ANKRD62: variants seen among roughly 807,000 people sequenced by gnomAD.
ANKRD62 encodes the protein ankyrin repeat domain 62, also known as ankyrin repeat domain-containing protein 62.
Under a neutral mutation model 98.8 loss-of-function variants are expected in ANKRD62, and 61 were observed. The observed-to-expected ratio is 0.62, with a 90% CI of 0.50 to 0.76. ANKRD62 has a LOEUF of 0.76. Among genes scored for constraint, ANKRD62 ranks in the 30% least tolerant of loss-of-function variants. ANKRD62 has a pLI of 0.00. For missense variants in ANKRD62, 933 were observed against 1,082.9 expected, an observed-to-expected ratio of 0.86 and a Z score of 1.94; for synonymous variants, 341 against 367.9, an observed-to-expected ratio of 0.93 and a Z score of 0.84.
chr18:12,110,225 T>C (rs1446444188), intron 8 of ANKRD62, among the ~76,000 whole-genome samples: 1 of 152,216 alleles, frequency 6.6e-6, no homozygotes, highest in Non-Finnish European at 1.5e-5. Flanking sequence ...GTTACAGAAT[T>C]GAGTATTTTA....
chr18:12,159,562 G>A, the ANKRD62 span, among the ~76,000 whole-genome samples: 2 of 152,296 alleles, frequency 1.3e-5, no homozygotes, highest in Non-Finnish European at 2.9e-5. Flanking sequence ...AGAGTCTATA[G>A]GTTACAAAGA....
intron 6 of ANKRD62, among the ~76,000 whole-genome samples, chr18:12,100,937 T>A (rs1909287282): frequency 6.6e-6 from 1 of 152,128 alleles, no homozygotes; most frequent in Admixed American, 6.6e-5. Flanking sequence ...ACAGCAACCA[T>A]TACCAGAACA....
intron 10 of ANKRD62, among the ~76,000 whole-genome samples, chr18:12,116,957 T>C (rs1214514659): frequency 6.6e-6 from 1 of 152,234 alleles, no homozygotes; most frequent in African/African-American, 2.4e-5. Flanking sequence ...GTTTTTAGTG[T>C]ATACGTCTTT....
At chr18:12,164,312 A>G in the ANKRD62 span, among the ~76,000 whole-genome samples, 2 of 151,968 alleles carry the variant, frequency 1.3e-5, no homozygotes, top group East Asian at 1.9e-4. Flanking sequence ...GCCACTAACA[A>G]TCTTTAAGTT....
Position 12,125,840 on chromosome 18 carries a change from A to C in ANKRD62, c.2019A>C (p.Ser673=). 1 of 1,549,040 alleles carries C rather than the reference A, an allele frequency of 6.5e-7. No homozygotes were observed. Among genetic ancestry groups the C allele is most frequent in the Non-Finnish European group, 8.7e-7 (1 of 1,147,414 alleles). Residue 673 remains serine (S), a synonymous_variant, in exon 13 of 14, where the codon TCA becomes TCC. Coordinates refer to ENST00000587848, the MANE Select transcript of ANKRD62 (RefSeq NM_001277333.2). Reference sequence around the variant, plus strand: ...GTGATCATGATCAACGTCAGTCATCAAAAAGAGACCTACAGCTTGCTTTCC... The same window carrying C: ...GTGATCATGATCAACGTCAGTCATCCAAAAGAGACCTACAGCTTGCTTTCC... ...ALCDHDQRQS[S]KRDLQLAFQS...
At chr18:12,110,068 T>C (rs951777033) in intron 8 of ANKRD62, among the ~76,000 whole-genome samples, 2 of 152,146 alleles carry the variant, frequency 1.3e-5, no homozygotes, top group Admixed American at 6.5e-5. Flanking sequence ...GTATTTCCTG[T>C]TTAGAGGCAC....
chr18:12,126,013 C>T lies in ANKRD62; in HGVS notation c.2192C>T (p.Thr731Met), dbSNP rs1345171084. The T allele has an allele frequency of 2.7e-5, 41 of 1,536,398 alleles. No individual in the cohort carries two copies. The highest frequency in any genetic ancestry group is 2.4e-4 in the East Asian group (10 of 40,936). The change falls in exon 13 of 14, where the codon ACG (threonine) becomes ATG (methionine). Residue 731 changes from threonine (T) to methionine (M), a missense_variant. By Grantham distance (81) the Thr-to-Met change is moderately conservative. Transcript: ENST00000587848. Reference protein sequence around the residue: ...HYEREALKEKTLHIEHMQGVL... With the variant: ...HYEREALKEKMLHIEHMQGVL... Reference sequence around the variant, plus strand: ...GAAAGAGAGGCTCTCAAAGAAAAGACGTTGCATATAGAACACATGCAAGGA... The same window carrying T: ...GAAAGAGAGGCTCTCAAAGAAAAGATGTTGCATATAGAACACATGCAAGGA...
chr18:12,119,349 T>C (rs1040775314), intron 10 of ANKRD62, among the ~76,000 whole-genome samples: 12 of 145,730 alleles, frequency 8.2e-5, no homozygotes, highest in African/African-American at 2.6e-4. Flanking sequence ...TCTTCTTCTT[T>C]TTTTTTTTTT....
chr18:12,138,555 A>G, the ANKRD62 span, among the ~76,000 whole-genome samples: 6 of 152,180 alleles, frequency 3.9e-5, no homozygotes, highest in Non-Finnish European at 8.8e-5. Flanking sequence ...GTAGATGTCT[A>G]TTAGGTCCAC....
At chr18:12,139,751 C>T in the ANKRD62 span, among the ~76,000 whole-genome samples, 2 of 152,098 alleles carry the variant, frequency 1.3e-5, no homozygotes, top group African/African-American at 4.8e-5. Flanking sequence ...TGTGGGTAAC[C>T]CGACCTTTCT....
chr18:12,126,903 T>C (rs1909904393), intron 13 of ANKRD62, among the ~76,000 whole-genome samples: 1 of 152,214 alleles, frequency 6.6e-6, no homozygotes, highest in African/African-American at 2.4e-5. Context: ...TCATGTCAAT[T>C]TGACTTAAAT....
At chr18:12,167,333 T>C in the ANKRD62 span, among the ~76,000 whole-genome samples, 1 of 151,956 alleles carries the variant, frequency 6.6e-6, no homozygotes, top group African/African-American at 2.4e-5. Context: ...CCCTGCCCTG[T>C]GTCCAAGCGT....
chr18:12,111,376 A>G (rs1414679831), intron 8 of ANKRD62, among the ~76,000 whole-genome samples: 2 of 152,214 alleles, frequency 1.3e-5, no homozygotes, highest in Admixed American at 1.3e-4. Context: ...TTATGTTAAA[A>G]GCTCTCAACT....
intron 13 of ANKRD62, 140 bp downstream of exon 13, chr18:12,126,523 C>G (rs566015841): frequency 2.1e-6 from 2 of 957,882 alleles, no homozygotes; most frequent in Admixed American, 6.8e-5. Context: ...ACCTTAGAAA[C>G]GGAATTTGTT....
intron 10 of ANKRD62, among the ~76,000 whole-genome samples, chr18:12,118,717 A>G (rs550174242): frequency 1.6e-4 from 25 of 151,748 alleles, no homozygotes; most frequent in South Asian, 1.0e-3. Flanking sequence ...TTGATTTGTC[A>G]TATCTTTTTA....
In ANKRD62 at chr18:12,123,196, C is replaced by T. The variant is rs57308154; in HGVS notation, c.1454+680C>T. 6.8e-3 allele frequency among the ~76,000 whole-genome samples: 1,034 copies of T among 151,888 alleles called. 10 individuals are homozygous for T. The highest frequency in any genetic ancestry group is 0.024 in the African/African-American group (974 of 41,434). On this transcript the variant is annotated intron_variant, in intron 11 of 13. Transcript: ENST00000587848. ...CCAAGTAGCTGGGATTACAGGCACA[C>T]GTCACCATGCCTTTCTAATTTCTTT...
At chr18:12,174,386 G>A in the ANKRD62 span, among the ~76,000 whole-genome samples, 1 of 152,150 alleles carries the variant, frequency 6.6e-6, no homozygotes, top group Non-Finnish European at 1.5e-5. Flanking sequence ...TATTTTGTCT[G>A]TCAGCTCGTG....
the ANKRD62 span, among the ~76,000 whole-genome samples, chr18:12,141,867 G>A: frequency 4.7e-4 from 3 of 6,338 alleles, no homozygotes; most frequent in African/African-American, 2.2e-3. Flanking sequence ...CACTTTATTC[G>A]GGTCTTGATT....
the ANKRD62 span, among the ~76,000 whole-genome samples, chr18:12,167,499 T>C: frequency 1.3e-5 from 2 of 152,238 alleles, no homozygotes; most frequent in Admixed American, 6.5e-5. Flanking sequence ...TATTCCATGG[T>C]GTATATGTGC....
Sources: allele counts gnomAD v4.1 joint callset (sites outside exome capture counted in the v4.1 genomes callset), GRCh38; gene constraint gnomAD v4.1.1; transcripts MANE v1.5; gene names NCBI Gene and HGNC (gene_info 2026-07-23, HGNC 2026-07-21).